The following ZDHHC15 variants were observed in gnomAD, a reference collection of about 807,000 sequenced individuals.
ZDHHC15 encodes palmitoyltransferase ZDHHC15.
In ZDHHC15, 19 loss-of-function variants were observed where a neutral mutation model predicts 31.7. That is an observed-to-expected ratio of 0.60 (90% CI 0.42 to 0.88). ZDHHC15 has a LOEUF of 0.88. Ranked by LOEUF, ZDHHC15 falls within the 40% of genes least tolerant of loss-of-function variation. The pLI is 0.00. For synonymous variants in ZDHHC15, 103 were observed against 90.0 expected (o/e 1.14, Z -0.82); for missense variants, 209 against 251.2 (o/e 0.83, Z 1.14).
At chrX:75,467,339 T>C (rs1359902681) in intron 3 of ZDHHC15, among the ~76,000 whole-genome samples, 1 of 112,088 alleles carries the variant, frequency 8.9e-6, no homozygotes, top group Admixed American at 9.5e-5. Context: ...GGATTTTCTA[T>C]TTGTATGTGA....
intron 3 of ZDHHC15, among the ~76,000 whole-genome samples, chrX:75,453,559 C>T (rs1043482586): frequency 9.0e-6 from 1 of 111,202 alleles, no homozygotes; most frequent in Non-Finnish European, 1.9e-5. Context: ...CATCCTAACA[C>T]CAAAGGCTGG....
intron 3 of ZDHHC15, among the ~76,000 whole-genome samples, chrX:75,465,889 G>A (rs1283951704): frequency 1.8e-5 from 2 of 111,282 alleles, no homozygotes; most frequent in Admixed American, 1.9e-4. Context: ...ATAGGCACAG[G>A]CAAATATTTC....
intron 3 of ZDHHC15, among the ~76,000 whole-genome samples, chrX:75,473,500 G>A (rs962893543): frequency 4.5e-5 from 5 of 110,740 alleles, no homozygotes; most frequent in African/African-American, 1.6e-4. Flanking sequence ...GAGACACAAC[G>A]ATTCCATTAA....
chrX:75,418,931 G>T lies in ZDHHC15; in HGVS notation c.864-1741C>A, dbSNP rs143384871. Among the ~76,000 whole-genome samples, 329 of 112,064 alleles carry T rather than the reference G, an allele frequency of 2.9e-3. 1 individual carries two copies. Among genetic ancestry groups the T allele is most frequent in the African/African-American group, 9.7e-3 (299 of 30,899 alleles). ...TCATGAACAAAACATCAAAAGCAATGGCAACAAAAGCCAAAATTGGCAAAT... is the reference window on the plus strand; with the variant it reads ...TCATGAACAAAACATCAAAAGCAATTGCAACAAAAGCCAAAATTGGCAAAT... On this transcript the variant is annotated intron_variant, in intron 9 of 11. Transcript: ENST00000373367.
intron 9 of ZDHHC15, among the ~76,000 whole-genome samples, chrX:75,417,741 C>G (rs769381618): frequency 9.0e-6 from 1 of 111,667 alleles, no homozygotes; most frequent in Non-Finnish European, 1.9e-5. Context: ...TGTGGGGTCT[C>G]GCTTTGTGGC....
intron 10 of ZDHHC15, among the ~76,000 whole-genome samples, chrX:75,400,267 C>T (rs2083342537): frequency 9.0e-6 from 1 of 111,314 alleles, no homozygotes; most frequent in African/African-American, 3.3e-5. Flanking sequence ...ATAAAATAGC[C>T]AGTATAAAAA....
At chrX:75,435,591 G>A (rs2083840450) in intron 4 of ZDHHC15, among the ~76,000 whole-genome samples, 1 of 112,099 alleles carries the variant, frequency 8.9e-6, no homozygotes, top group Non-Finnish European at 1.9e-5. Flanking sequence ...TGCGTCTATT[G>A]AGATGATCAT....
chrX:75,390,662 A>G (rs2083233354), intron 10 of ZDHHC15, among the ~76,000 whole-genome samples: 1 of 111,474 alleles, frequency 9.0e-6, no homozygotes, highest in Admixed American at 9.5e-5. Flanking sequence ...AGGAGCCACC[A>G]AATGTACATA....
At chrX:75,455,335 A>T (rs749871393) in intron 3 of ZDHHC15, among the ~76,000 whole-genome samples, 1 of 111,934 alleles carries the variant, frequency 8.9e-6, no homozygotes, top group Non-Finnish European at 1.9e-5. Context: ...CTGAAACTGG[A>T]TCCCTTCCTT....
chrX:75,391,300 G>A (rs769505245), intron 10 of ZDHHC15, among the ~76,000 whole-genome samples: 22 of 111,945 alleles, frequency 2.0e-4, no homozygotes, highest in African/African-American at 6.8e-4. Flanking sequence ...GGGGTAGAAA[G>A]TTTATTCAAA....
chrX:75,494,338 C>T (rs1470822790), intron 2 of ZDHHC15, among the ~76,000 whole-genome samples: 7 of 111,360 alleles, frequency 6.3e-5, no homozygotes, highest in African/African-American at 2.3e-4. Flanking sequence ...GAATCAATAT[C>T]GTGAAAATGG....
chrX:75,455,229 C>T (rs925992624), intron 3 of ZDHHC15, among the ~76,000 whole-genome samples: 1 of 111,482 alleles, frequency 9.0e-6, no homozygotes, highest in African/African-American at 3.3e-5. Flanking sequence ...GTATAACCAT[C>T]TGATCTTTGA....
chrX:75,371,643 T>C lies in ZDHHC15; in HGVS notation c.*1335A>G, dbSNP rs181387712. ...TCCCTCTAGAAGCTCAATTCCTTGATACCTGTAAGATGCTTCTAAATTCCA... is the reference window on the plus strand; with the variant it reads ...TCCCTCTAGAAGCTCAATTCCTTGACACCTGTAAGATGCTTCTAAATTCCA... On this transcript the variant is annotated 3_prime_UTR_variant, in exon 12 of 12. Transcript: ENST00000373367. 3.6e-5 allele frequency: 4 copies of C among 111,881 alleles called. No individual in the cohort carries two copies. The East Asian group carries it at 8.4e-4, about 24-fold the overall frequency. 9.2% of individuals were successfully genotyped at this position (111,881 alleles called of 1,213,427 possible).
intron 1 of ZDHHC15, among the ~76,000 whole-genome samples, chrX:75,513,704 G>A (rs1370061702): frequency 9.0e-6 from 1 of 111,375 alleles, no homozygotes; most frequent in Non-Finnish European, 1.9e-5. Context: ...TTGAAAAAAT[G>A]ATGGCTAAAA....
intron 3 of ZDHHC15, among the ~76,000 whole-genome samples, chrX:75,473,284 T>G (rs983323466): frequency 8.9e-6 from 1 of 111,931 alleles, no homozygotes; most frequent in Non-Finnish European, 1.9e-5. Flanking sequence ...AGGCCGTGTA[T>G]GCTTTCAATC....
intron 1 of ZDHHC15, among the ~76,000 whole-genome samples, chrX:75,509,554 G>T (rs919358612): frequency 8.9e-6 from 1 of 111,838 alleles, no homozygotes; most frequent in East Asian, 2.8e-4. Context: ...CTTTTTTAAC[G>T]AATGACATGT....
In ZDHHC15 at chrX:75,372,231, C is replaced by T. The variant is rs978471113; in HGVS notation, c.*747G>A. 3 of 112,010 alleles carry T rather than the reference C, an allele frequency of 2.7e-5. No homozygotes were observed. Among genetic ancestry groups the T allele is most frequent in the Non-Finnish European group, 5.6e-5 (3 of 53,183 alleles). The allele number at this position is 112,010 out of a possible 1,213,427, so 9.2% of individuals were successfully genotyped here. A position where few individuals can be genotyped will look rare whatever the true frequency, so the allele number is the denominator to read the frequency against. On this transcript the variant is annotated 3_prime_UTR_variant, in exon 12 of 12. Coordinates refer to ENST00000373367, the MANE Select transcript of ZDHHC15 (RefSeq NM_144969.3). ...TTTAAAAAACACTGGTTATTATGTT[C>T]AATAAAGTTTATGTCCTGAATTTGA...
At chrX:75,432,456 T>C (rs1462652344) in intron 4 of ZDHHC15, among the ~76,000 whole-genome samples, 2 of 112,217 alleles carry the variant, frequency 1.8e-5, no homozygotes, top group Non-Finnish European at 1.9e-5. Flanking sequence ...AATGGAAGTA[T>C]GTGAGTGACT....
Position 75,369,198 on chromosome X carries a change from T to C in ZDHHC15, c.*3780A>G, listed in dbSNP as rs981699443. 1 of 112,179 alleles carries C rather than the reference T, an allele frequency of 8.9e-6. No individual in the cohort carries two copies. Among genetic ancestry groups the C allele is most frequent in the Non-Finnish European group, 1.9e-5 (1 of 53,265 alleles). The allele number at this position is 112,179 out of a possible 1,213,427, so 9.2% of individuals were successfully genotyped here. On this transcript the variant is annotated 3_prime_UTR_variant, in exon 12 of 12. Transcript: ENST00000373367. ...ATTCTGGAATGTATAAATCTAATGTTCTTCACATGCTGTGTTTCTTAGACT... is the reference window on the plus strand; with the variant it reads ...ATTCTGGAATGTATAAATCTAATGTCCTTCACATGCTGTGTTTCTTAGACT...
Sources: gnomAD v4.1 joint callset for allele counts (sites outside exome capture counted in the v4.1 genomes callset) on GRCh38, gnomAD v4.1.1 for gene constraint, MANE v1.5 for transcripts, NCBI Gene and HGNC (gene_info 2026-07-23, HGNC 2026-07-21) for gene names.